Variants in RAD51B observed in about 807,000 individuals in gnomAD.
RAD51B encodes RAD51 paralog B.
RAD51B carries 38 observed loss-of-function variants against 42.2 expected under a neutral mutation model. That is an observed-to-expected ratio of 0.90 (90% CI 0.70 to 1.18). The LOEUF (loss-of-function observed/expected upper bound fraction) is 1.18. Among genes scored for constraint, RAD51B ranks in the 50% most tolerant of loss-of-function variants. The probability of loss-of-function intolerance (pLI) is 0.00; values close to 1 mark genes in which losing one functional copy is unlikely to be tolerated. For synonymous variants in RAD51B, 154 were observed against 145.2 expected, an observed-to-expected ratio of 1.06 and a Z score of -0.43; for missense variants, 373 against 400.7, an observed-to-expected ratio of 0.93 and a Z score of 0.59.
chr14:68,542,676 C>T (rs2140370083), intron 10 of RAD51B, among the ~76,000 whole-genome samples: 1 of 152,216 alleles, frequency 6.6e-6, no homozygotes, highest in South Asian at 2.1e-4. Context: ...GTTGTAAGTC[C>T]ATGTTTTTTA....
At chr14:68,592,119 G>T (rs1890772049) in intron 10 of RAD51B, among the ~76,000 whole-genome samples, 1 of 152,080 alleles carries the variant, frequency 6.6e-6, no homozygotes, top group Admixed American at 6.5e-5. Context: ...AGGAGGGGGG[G>T]AATTGATGCT....
chr14:68,394,442 GCTGACTCAGTCCTCTGAAA>G (rs2083853324), intron 8 of RAD51B, among the ~76,000 whole-genome samples: 1 of 152,166 alleles, frequency 6.6e-6, no homozygotes, highest in South Asian at 2.1e-4. Context: ...CTCTTTGGGG[GCTGACTCAGTCCTCTGAAA>G]CTGACTCTTG....
At chr14:68,127,906 G>A (rs1452947737) in intron 7 of RAD51B, among the ~76,000 whole-genome samples, 2 of 152,188 alleles carry the variant, frequency 1.3e-5, no homozygotes, top group Middle Eastern at 3.2e-3. Flanking sequence ...CCCTAGGAAT[G>A]TAAGTTCCCT....
At chr14:68,381,474 G>A (rs554074694) in intron 8 of RAD51B, among the ~76,000 whole-genome samples, 1 of 152,090 alleles carries the variant, frequency 6.6e-6, no homozygotes, top group Admixed American at 6.6e-5. Context: ...AGGAGATCGA[G>A]ACCATCCTGG....
chr14:68,287,043 T>A (rs1474495005), intron 7 of RAD51B, among the ~76,000 whole-genome samples: 3 of 103,192 alleles, frequency 2.9e-5, no homozygotes, highest in Admixed American at 2.2e-4. Context: ...AGCCTCTGCC[T>A]TCTGACCAAA....
chr14:68,114,871 G>T lies in RAD51B; in HGVS notation c.757-177013G>T, dbSNP rs535239612. On this transcript the variant is annotated intron_variant, in intron 7 of 10. Coordinates refer to ENST00000471583, the MANE Select transcript of RAD51B (RefSeq NM_133510.4). ...TTAGTAATTTTTAGTATGAAACTAGGTTTTCTTAAAAAGTCAGGAAACAAC... is the reference window on the plus strand; with the variant it reads ...TTAGTAATTTTTAGTATGAAACTAGTTTTTCTTAAAAAGTCAGGAAACAAC... Among the ~76,000 whole-genome samples the T allele has an allele frequency of 1.2e-4, 19 of 152,186 alleles. 1 individual carries two copies. In the South Asian group the frequency reaches 3.9e-3, roughly 32 times the overall value.
intron 7 of RAD51B, among the ~76,000 whole-genome samples, chr14:68,288,256 G>T (rs534302745): frequency 7.2e-5 from 11 of 152,144 alleles, no homozygotes; most frequent in Non-Finnish European, 1.0e-4. Context: ...TCAATGCTTT[G>T]GGAAATGTTT....
chr14:68,123,398 C>T (rs1170939987), intron 7 of RAD51B, among the ~76,000 whole-genome samples: 1 of 151,988 alleles, frequency 6.6e-6, no homozygotes, highest in African/African-American at 2.4e-5. Context: ...TATTATGTTG[C>T]CCAGGCTGGT....
At chr14:68,488,487 A>G (rs1883813930) in intron 10 of RAD51B, among the ~76,000 whole-genome samples, 1 of 152,094 alleles carries the variant, frequency 6.6e-6, no homozygotes, top group African/African-American at 2.4e-5. Flanking sequence ...AATCCTGCTA[A>G]GTCAATTGAG....
At chr14:68,434,157 G>C (rs2085086912) in intron 9 of RAD51B, among the ~76,000 whole-genome samples, 2 of 152,200 alleles carry the variant, frequency 1.3e-5, no homozygotes, top group African/African-American at 4.8e-5. Flanking sequence ...GCCCCTACTT[G>C]GGGGTGCCTC....
intron 8 of RAD51B, among the ~76,000 whole-genome samples, chr14:68,302,752 A>G (rs565851390): frequency 2.1e-4 from 32 of 152,368 alleles, no homozygotes; most frequent in Non-Finnish European, 8.8e-5. Flanking sequence ...GGGCCAAATT[A>G]AAGGAATAGG....
chr14:68,144,998 CT>C (rs1375146788), intron 7 of RAD51B, among the ~76,000 whole-genome samples: 1 of 152,108 alleles, frequency 6.6e-6, no homozygotes, highest in Non-Finnish European at 1.5e-5. Context: ...CCCAGTTAAC[CT>C]TTTTATTACT....
At chr14:68,074,028 C>T (rs2076794842) in intron 7 of RAD51B, among the ~76,000 whole-genome samples, 1 of 152,144 alleles carries the variant, frequency 6.6e-6, no homozygotes, top group Non-Finnish European at 1.5e-5. Context: ...TGTATAGTAG[C>T]TCACGGCAGT....
chr14:68,276,723 G>A (rs2081232433), intron 7 of RAD51B, among the ~76,000 whole-genome samples: 1 of 152,186 alleles, frequency 6.6e-6, no homozygotes, highest in African/African-American at 2.4e-5. Context: ...CTGCTTTAGT[G>A]CAATTGGTAT....
rs893797037 is a variant in RAD51B at position 68,066,385 on chromosome 14, T to C, written c.756+179181T>C. 7.2e-5 allele frequency among the ~76,000 whole-genome samples: 11 copies of C among 152,156 alleles called. No individual in the cohort carries two copies. The East Asian group carries it at 1.9e-3, about 27-fold the overall frequency. ...GTTTTAAAATTTTTTTCCTCTAAAG[T>C]CCATGTACAATTTTCATAATAAGAA... is the stretch of plus-strand genomic sequence containing the variant. On this transcript the variant is annotated intron_variant, in intron 7 of 10. Transcript: ENST00000471583.
intron 8 of RAD51B, among the ~76,000 whole-genome samples, chr14:68,310,330 A>G (rs572020122): frequency 6.6e-6 from 1 of 152,348 alleles, no homozygotes; most frequent in South Asian, 2.1e-4. Context: ...CCCCTTAGGC[A>G]TCCAAACCTG....
intron 7 of RAD51B, among the ~76,000 whole-genome samples, chr14:68,055,309 C>A (rs1291346605): frequency 6.6e-6 from 1 of 152,008 alleles, no homozygotes. Flanking sequence ...ATTTTTAGAA[C>A]CAGTTTTGGG....
intron 7 of RAD51B, among the ~76,000 whole-genome samples, chr14:68,056,075 T>C (rs1485639455): frequency 6.6e-6 from 1 of 152,178 alleles, no homozygotes. Context: ...TAATGGTACA[T>C]TTTTTTCTTA....
chr14:67,994,194 A>C (rs2075344465), intron 7 of RAD51B, among the ~76,000 whole-genome samples: 1 of 151,934 alleles, frequency 6.6e-6, no homozygotes, highest in Non-Finnish European at 1.5e-5. Context: ...GATATTGTTA[A>C]GGGGCCCAAA....
Sources: allele counts gnomAD v4.1 joint callset (sites outside exome capture counted in the v4.1 genomes callset), GRCh38; gene constraint gnomAD v4.1.1; transcripts MANE v1.5; gene names NCBI Gene and HGNC (gene_info 2026-07-23, HGNC 2026-07-21).